Variants in NDE1 observed in about 807,000 individuals in gnomAD.
The protein encoded by NDE1 is nudE neurodevelopment protein 1.
A neutral mutation model predicts 43.4 loss-of-function variants in NDE1; 28 were observed. The observed-to-expected ratio is 0.65, with a 90% CI of 0.48 to 0.89. The LOEUF (loss-of-function observed/expected upper bound fraction) is 0.89, where lower values mean the gene tolerates loss of function less well. Ranked by LOEUF, NDE1 falls within the 40% of genes least tolerant of loss-of-function variation. NDE1 has a pLI of 0.00. For missense variants in NDE1, 441 were observed against 434.1 expected, an observed-to-expected ratio of 1.02 and a Z score of -0.14; for synonymous variants, 184 against 172.0, an observed-to-expected ratio of 1.07 and a Z score of -0.55.
intron 8 of NDE1, chr16:15,703,890 CT>C: frequency 1.4e-6 from 2 of 1,473,914 alleles, no homozygotes; most frequent in Non-Finnish European, 1.9e-6. Flanking sequence ...TAAGTACAGT[CT>C]GCTGGGTTTT....
intron 5 of NDE1, among the ~76,000 whole-genome samples, chr16:15,687,963 C>T (rs1216144910): frequency 1.3e-5 from 2 of 151,852 alleles, no homozygotes; most frequent in East Asian, 3.9e-4. Flanking sequence ...TCTCTTGAGC[C>T]CAGGAGTTTG....
chr16:15,695,654 T>G, intron 7 of NDE1: 1 of 985,396 alleles, frequency 1.0e-6, no homozygotes, highest in Non-Finnish European at 1.2e-6. Context: ...GCCACATAAT[T>G]TAACTCCTAC....
intron 3 of NDE1, among the ~76,000 whole-genome samples, chr16:15,668,580 G>A (rs1415479434): frequency 1.3e-5 from 2 of 152,180 alleles, no homozygotes; most frequent in Non-Finnish European, 2.9e-5. Flanking sequence ...CATTTTTAGG[G>A]TATGGAGGTG....
At chr16:15,684,858 A>G (rs554640716) in intron 4 of NDE1, among the ~76,000 whole-genome samples, 2 of 152,236 alleles carry the variant, frequency 1.3e-5, no homozygotes, top group African/African-American at 4.8e-5. Context: ...TGTTCTTACA[A>G]CCAGTAGCAT....
At chr16:15,671,076 G>A (rs1485298642) in intron 3 of NDE1, among the ~76,000 whole-genome samples, 1 of 152,148 alleles carries the variant, frequency 6.6e-6, no homozygotes, top group East Asian at 1.9e-4. Context: ...CAGCATATAA[G>A]GCTGAAAGAA....
intron 3 of NDE1, among the ~76,000 whole-genome samples, chr16:15,677,538 A>T (rs549428302): frequency 6.6e-6 from 1 of 151,660 alleles, no homozygotes; most frequent in Admixed American, 6.6e-5. Context: ...GTGAGCCAGG[A>T]TCTTGCCGCT....
intron 6 of NDE1, among the ~76,000 whole-genome samples, chr16:15,693,931 C>G (rs2038881347): frequency 6.6e-6 from 1 of 152,132 alleles, no homozygotes; most frequent in Non-Finnish European, 1.5e-5. Context: ...CAGAGCAAGA[C>G]TAACATGTAA....
In NDE1 at chr16:15,651,035, C is replaced by T. The variant is rs148025986; in HGVS notation, c.-44+741C>T. ...CCGCAGCTTGAGTGATGGCTGGGCT[C>T]ACTGAGGACCTGAGTCTCTGAGGTC... On this transcript the variant is annotated intron_variant, in intron 1 of 8. Transcript: ENST00000396354. 7.4e-4 allele frequency among the ~76,000 whole-genome samples: 112 copies of T among 152,276 alleles called. No individual in the cohort carries two copies. In the East Asian group the frequency reaches 0.021, roughly 29 times the overall value.
At chr16:15,662,076 G>A (rs902896181) in intron 1 of NDE1, among the ~76,000 whole-genome samples, 2 of 151,842 alleles carry the variant, frequency 1.3e-5, no homozygotes, top group African/African-American at 4.8e-5. Flanking sequence ...TAGGACTACA[G>A]ATGTGTTGCA....
chr16:15,681,404 A>G (rs1033566834), intron 4 of NDE1, among the ~76,000 whole-genome samples: 1 of 151,210 alleles, frequency 6.6e-6, no homozygotes, highest in Non-Finnish European at 1.5e-5. Context: ...GTCTGGGACT[A>G]TAGGCATGTG....
chr16:15,650,233 G>T (rs750113233), upstream of NDE1: 1 of 269,714 alleles, frequency 3.7e-6, no homozygotes, highest in Non-Finnish European at 7.5e-6. Context: ...GGCCGGGGCC[G>T]CACCGCCCTT....
intron 2 of NDE1, among the ~76,000 whole-genome samples, chr16:15,666,338 TCCAGG>T (rs2037306151): frequency 6.6e-6 from 1 of 151,978 alleles, no homozygotes; most frequent in South Asian, 2.1e-4. Flanking sequence ...TTATTTTAGG[TCCAGG>T]CACAGTGGCT....
At chr16:15,673,621 C>T (rs983488757) in intron 3 of NDE1, among the ~76,000 whole-genome samples, 9 of 151,722 alleles carry the variant, frequency 5.9e-5, no homozygotes, top group Admixed American at 6.6e-5. Context: ...GAGCCTCAAC[C>T]TCCTGGCCTC....
chr16:15,681,334 C>A (rs74794281), intron 4 of NDE1, among the ~76,000 whole-genome samples: 2 of 117,954 alleles, frequency 1.7e-5, no homozygotes, highest in East Asian at 5.7e-4. Context: ...GGTGCAATTA[C>A]AGCTCACTGG....
At chr16:15,717,089 G>C in intron 8 of NDE1, 1 of 1,583,492 alleles carries the variant, frequency 6.3e-7, no homozygotes, top group Non-Finnish European at 8.7e-7. Flanking sequence ...TATGACTCCT[G>C]CTGTCCATCA....
intron 5 of NDE1, among the ~76,000 whole-genome samples, chr16:15,689,901 T>A (rs2038643604): frequency 7.2e-6 from 1 of 138,834 alleles, no homozygotes; most frequent in South Asian, 2.2e-4. Context: ...ACTGTGCCAC[T>A]GCACTTAAGC....
intron 3 of NDE1, among the ~76,000 whole-genome samples, chr16:15,672,508 A>G (rs2037647426): frequency 6.6e-6 from 1 of 152,180 alleles, no homozygotes. Flanking sequence ...TCAGTCACCT[A>G]AGAGAAATAT....
chr16:15,723,813 C>T (rs772042843), intron 8 of NDE1, among the ~76,000 whole-genome samples: 10 of 152,156 alleles, frequency 6.6e-5, no homozygotes, highest in African/African-American at 9.7e-5. Flanking sequence ...AACTGAATTA[C>T]TTGGAATACT....
intron 8 of NDE1, chr16:15,703,820 T>G (rs2039308998): frequency 4.5e-6 from 4 of 894,792 alleles, no homozygotes; most frequent in Non-Finnish European, 7.2e-6. Context: ...GTGGTTTTTA[T>G]ATTCCTTGTG....
Sources: allele counts gnomAD v4.1 joint callset (sites outside exome capture counted in the v4.1 genomes callset), GRCh38; gene constraint gnomAD v4.1.1; transcripts MANE v1.5; gene names NCBI Gene and HGNC (gene_info 2026-07-23, HGNC 2026-07-21).